DYSF: variants seen among roughly 807,000 people sequenced by gnomAD.
The protein encoded by DYSF is dystrophy-associated fer-1-like 1.
DYSF carries 212 observed loss-of-function variants against 274.9 expected under a neutral mutation model. That is an observed-to-expected ratio of 0.77 (90% confidence interval 0.69 to 0.86). The LOEUF is 0.86. Among genes scored for constraint, DYSF ranks in the 40% least tolerant of loss-of-function variants. The pLI is 0.00. For missense variants in DYSF, 2,666 were observed against 2,783.2 expected (o/e 0.96, Z 0.95); for synonymous variants, 1,091 against 1,078.7 (o/e 1.01, Z -0.22).
chr2:71,453,869 CAG>C, exon 1 of DYSF: 2 of 916,758 alleles, frequency 2.2e-6, no homozygotes. Flanking sequence ...AGCCAGGAGC[CAG>C]AGATTCGAGC....
In DYSF at chr2:71,574,215, G is replaced by T; in HGVS notation, c.3246G>T (p.Ala1082=). ...EALKRHRQAE[A]EGEGWEYASL... ...TTGTGCAGCACAGGCAGGCGGAGGC[G>T]GAGGGCGAGGGCTGGGAGTACGCCT... is the stretch of plus-strand genomic sequence containing the variant. The change falls in exon 30 of 56, where the codon GCG becomes GCT. Residue 1082 remains alanine, a synonymous_variant. Transcript: ENST00000410020. The T allele has an allele frequency of 1.9e-6, 3 of 1,613,552 alleles. No individual in the cohort carries two copies. The highest frequency in any genetic ancestry group is 2.2e-5 in the East Asian group (1 of 44,880).
At chr2:71,487,450 G>A (rs2083451598) in intron 3 of DYSF, among the ~76,000 whole-genome samples, 1 of 152,180 alleles carries the variant, frequency 6.6e-6, no homozygotes. Context: ...ACCCAGGATG[G>A]CAGGGGGGCA....
At chr2:71,622,165 T>C (rs1238028258) in intron 41 of DYSF, among the ~76,000 whole-genome samples, 1 of 110,006 alleles carries the variant, frequency 9.1e-6, no homozygotes, top group Non-Finnish European at 1.9e-5. Flanking sequence ...CAGGTACATC[T>C]GTTCAGGCCA....
intron 41 of DYSF, among the ~76,000 whole-genome samples, chr2:71,642,675 G>A (rs975704094): frequency 6.6e-6 from 1 of 152,174 alleles, no homozygotes; most frequent in Non-Finnish European, 1.5e-5. Context: ...TGGTGTGTCT[G>A]GAGACACCTG....
intron 42 of DYSF, among the ~76,000 whole-genome samples, chr2:71,649,615 A>G (rs759692701): frequency 2.0e-5 from 3 of 152,334 alleles, no homozygotes; most frequent in Middle Eastern, 3.4e-3. Context: ...AGATCATTCC[A>G]GCTATCAGAA....
At chr2:71,598,434 T>A (rs2093458671) in intron 32 of DYSF, 130 bp from the exon 33 acceptor site, 1 of 1,107,778 alleles carries the variant, frequency 9.0e-7, no homozygotes, top group East Asian at 2.6e-5. Flanking sequence ...CATCCCAGCA[T>A]GAATGTTGTT....
At chr2:71,547,657 A>C (rs1401676910) in intron 17 of DYSF, among the ~76,000 whole-genome samples, 2 of 152,186 alleles carry the variant, frequency 1.3e-5, no homozygotes, top group Admixed American at 1.3e-4. Context: ...AAATAAATAA[A>C]AAGAAAGAAA....
intron 3 of DYSF, among the ~76,000 whole-genome samples, chr2:71,502,962 G>T (rs1408610264): frequency 6.6e-6 from 1 of 152,146 alleles, no homozygotes; most frequent in African/African-American, 2.4e-5. Context: ...AAGGGGTCAA[G>T]GTGGACCTTG....
At chr2:71,532,949 C>G (rs969876943) in intron 14 of DYSF, among the ~76,000 whole-genome samples, 3 of 152,108 alleles carry the variant, frequency 2.0e-5, no homozygotes, top group Non-Finnish European at 4.4e-5. Context: ...TCAAAGAAAA[C>G]CACTGCAATT....
intron 40 of DYSF, among the ~76,000 whole-genome samples, chr2:71,616,162 C>G (rs1234943946): frequency 6.6e-6 from 1 of 152,122 alleles, no homozygotes; most frequent in East Asian, 1.9e-4. Flanking sequence ...CGGAGTATTT[C>G]TTAGGTTTCT....
intron 7 of DYSF, among the ~76,000 whole-genome samples, chr2:71,515,408 A>G (rs1179250875): frequency 6.6e-6 from 1 of 152,206 alleles, no homozygotes; most frequent in East Asian, 1.9e-4. Context: ...GCAGCCTGGC[A>G]GCTCTTCTAT....
chr2:71,569,087 G>A (rs1485190699), intron 26 of DYSF, among the ~76,000 whole-genome samples: 1 of 151,052 alleles, frequency 6.6e-6, no homozygotes, highest in Non-Finnish European at 1.5e-5. Flanking sequence ...TGTTAGCCAG[G>A]ATGGTCTCGA....
intron 3 of DYSF, among the ~76,000 whole-genome samples, chr2:71,499,502 G>A (rs925008873): frequency 6.6e-6 from 1 of 152,156 alleles, no homozygotes; most frequent in Admixed American, 6.6e-5. Context: ...AATTGACTTG[G>A]CCACCATGAT....
At chr2:71,658,673 A>G (rs2094821276) in intron 43 of DYSF, among the ~76,000 whole-genome samples, 1 of 152,182 alleles carries the variant, frequency 6.6e-6, no homozygotes, top group African/African-American at 2.4e-5. Flanking sequence ...TGATAAACCC[A>G]ACAGATCTCA....
chr2:71,573,016 C>CACACACAGA (rs1442536014), intron 29 of DYSF, among the ~76,000 whole-genome samples: 3 of 152,350 alleles, frequency 2.0e-5, no homozygotes, highest in Non-Finnish European at 2.9e-5. Context: ...GGCCTGTGCA[C>CACACACAGA]TGCACAGCCT....
rs757381626 is a variant in DYSF, at chr2:71,526,174, T to C, written c.1150-46T>C. 3 of 1,614,098 alleles carry C rather than the reference T, an allele frequency of 1.9e-6. No individual in the cohort carries two copies. In the South Asian group the frequency reaches 3.3e-5, roughly 18 times the overall value. On this transcript the variant is annotated intron_variant, in intron 12 of 55. Coordinates refer to ENST00000410020, the MANE Select transcript of DYSF (RefSeq NM_001130987.2). Reference sequence around the variant, plus strand: ...CTCTTAGAAAAGGAAAGTAAAACCCTGTGCTCAGGAGCGCATGAAGGAATC... The same window carrying C: ...CTCTTAGAAAAGGAAAGTAAAACCCCGTGCTCAGGAGCGCATGAAGGAATC...
At chr2:71,618,474 G>GGC (rs2093990279) in intron 40 of DYSF, among the ~76,000 whole-genome samples, 1 of 102,334 alleles carries the variant, frequency 9.8e-6, no homozygotes, top group Non-Finnish European at 2.1e-5. Context: ...GTGTGGTAGA[G>GGC]GTGTGTGTGT....
chr2:71,670,993 A>G (rs909189095), intron 51 of DYSF, among the ~76,000 whole-genome samples: 2 of 152,122 alleles, frequency 1.3e-5, no homozygotes, highest in Non-Finnish European at 2.9e-5. Context: ...CAAAGCTCCT[A>G]TGACTCCTTG....
intron 30 of DYSF, among the ~76,000 whole-genome samples, chr2:71,580,256 A>C (rs976269714): frequency 9.2e-5 from 14 of 152,220 alleles, no homozygotes; most frequent in Non-Finnish European, 1.9e-4. Flanking sequence ...CCCCGGCCCC[A>C]ACCCTGGGAA....
Sources: allele counts gnomAD v4.1 joint callset (sites outside exome capture counted in the v4.1 genomes callset), GRCh38; gene constraint gnomAD v4.1.1; transcripts MANE v1.5; gene names NCBI Gene and HGNC (gene_info 2026-07-23, HGNC 2026-07-21).